MAPKBP1: variants seen among roughly 807,000 people sequenced by gnomAD.
MAPKBP1 encodes mitogen-activated protein kinase-binding protein 1.
MAPKBP1 carries 71 observed loss-of-function variants against 170.5 expected under a neutral mutation model. The ratio of observed to expected loss-of-function variants is 0.42; its 90% CI spans 0.34 to 0.51. The LOEUF is 0.51. MAPKBP1 is among the 20% of genes least tolerant of loss of function. The probability of loss-of-function intolerance (pLI) is 0.06; values close to 1 mark genes in which losing one functional copy is unlikely to be tolerated. For missense variants in MAPKBP1, 1,598 were observed against 1,933.0 expected, an observed-to-expected ratio of 0.83 and a Z score of 3.25; for synonymous variants, 719 against 757.9, an observed-to-expected ratio of 0.95 and a Z score of 0.84.
In MAPKBP1 at chr15:41,815,372, T is replaced by C; in HGVS notation, c.1284T>C (p.His428=). The stretch of plus-strand genomic sequence containing the variant: ...GGAACACAGAGAGCTCCGGGGTGCA[T>C]GGCTCCACCCTCCACCGAAACATCC... ...RLWNTESSGV[H]GSTLHRNILS... is the part of the protein sequence containing the mutation. The change falls in exon 11 of 31, where the codon CAT becomes CAC. Residue 428 remains histidine, a synonymous_variant. Coordinates refer to ENST00000457542, the MANE Select transcript of MAPKBP1 (RefSeq NM_014994.3). The C allele has an allele frequency of 2.5e-6, 4 of 1,614,208 alleles. No individual in the cohort carries two copies. Among genetic ancestry groups the C allele is most frequent in the East Asian group, 2.2e-5 (1 of 44,886 alleles).
chr15:41,799,309 GAC>G (rs1346463933), intron 2 of MAPKBP1, among the ~76,000 whole-genome samples: 2 of 152,148 alleles, frequency 1.3e-5, no homozygotes, highest in South Asian at 4.1e-4. Context: ...GGAGCCCTCT[GAC>G]AGAGGGGAAG....
At chr15:41,813,306 C>A (rs2064835582) in intron 8 of MAPKBP1, 1 of 1,529,246 alleles carries the variant, frequency 6.5e-7, no homozygotes. Context: ...CTGTCTCTTT[C>A]CCCTGCTTTC....
intron 3 of MAPKBP1, among the ~76,000 whole-genome samples, chr15:41,804,551 G>T (rs752097385): frequency 6.6e-6 from 1 of 152,232 alleles, no homozygotes; most frequent in East Asian, 1.9e-4. Context: ...CTTGGTGCAT[G>T]CTGAGACCTG....
chr15:41,812,419 G>T, intron 6 of MAPKBP1, 97 bp from the exon 7 acceptor site: 1 of 1,521,248 alleles, frequency 6.6e-7, no homozygotes, highest in Non-Finnish European at 9.1e-7. Context: ...GAAACACTTT[G>T]TCAAGTACAA....
chr15:41,786,777 A>AAAAAAATATATATATATATAT, intron 2 of MAPKBP1, among the ~76,000 whole-genome samples: 18 of 32,436 alleles, frequency 5.5e-4, no homozygotes, highest in African/African-American at 1.2e-3. Flanking sequence ...AAAAAAAAAA[A>AAAAAAATATATATATATATAT]ATATATATAT....
Position 41,818,148 on chromosome 15 carries a change from C to A in MAPKBP1, c.1981-46C>A. The stretch of plus-strand genomic sequence containing the variant: ...ACAGAGTGGTGCTGGGTGGGAGGGA[C>A]TGGTACTTCCCATGTCCTCCAGCTG... On this transcript the variant is annotated intron_variant, in intron 17 of 30. Transcript: ENST00000457542. This position sits in a 1 kb window ranked among gnomAD's most constrained non-coding sequence, Gnocchi z 5.2. 1.2e-6 allele frequency: 2 copies of A among 1,607,466 alleles called. No homozygotes were observed. The highest frequency in any genetic ancestry group is 1.7e-6 in the Non-Finnish European group (2 of 1,174,054).
At chr15:41,806,881 G>A (rs1312907503) in intron 3 of MAPKBP1, among the ~76,000 whole-genome samples, 5 of 152,196 alleles carry the variant, frequency 3.3e-5, no homozygotes, top group Non-Finnish European at 7.3e-5. Flanking sequence ...GGGCTCCTTG[G>A]TGCTTTTGAG....
chr15:41,819,544 T>TGGTGG lies in MAPKBP1; in HGVS notation c.2426-49_2426-48insTGGGG, dbSNP rs200421549. ...ATGGGGCCAGGGCTCCAGGGTTGGG[T>TGGTGG]GGCGGGGGGGGGGCAGGAGACACTT... On this transcript the variant is annotated intron_variant, in intron 21 of 30. Transcript: ENST00000457542. The TGGTGG allele has an allele frequency of 2.7e-5, 25 of 912,546 alleles. No individual in the cohort carries two copies. In the African/African-American group the frequency reaches 6.5e-4, roughly 24 times the overall value. 56.5% of individuals were successfully genotyped at this position (912,546 alleles called of 1,614,324 possible). A position where few individuals can be genotyped will look rare whatever the true frequency, so the allele number is the denominator to read the frequency against.
intron 4 of MAPKBP1, 100 bp from the exon 5 acceptor site, chr15:41,811,078 G>C (rs1441583777): frequency 6.5e-7 from 1 of 1,530,404 alleles, no homozygotes; most frequent in African/African-American, 1.4e-5. Flanking sequence ...TGCCACATGT[G>C]CCATTGGTGT....
rs751962413 is a variant in MAPKBP1, at chr15:41,823,481, A to G, written c.3633A>G (p.Pro1211=). The change falls in exon 29 of 31, where the codon CCA becomes CCG. Residue 1211 remains proline, a synonymous_variant. Transcript: ENST00000457542. ...AGGCCAGTCTGCAGGCCCCTTCACC[A>G]GGCGCACTGCTGTCTCGGGAGATCG... ...RHEASLQAPS[P]GALLSREIEA... is the part of the protein sequence containing the mutation. 1.2e-5 allele frequency: 20 copies of G among 1,613,636 alleles called. No individual in the cohort carries two copies. The highest frequency in any genetic ancestry group is 1.7e-5 in the Admixed American group (1 of 59,972).
intron 3 of MAPKBP1, among the ~76,000 whole-genome samples, chr15:41,804,565 C>G (rs2064656887): frequency 6.6e-6 from 1 of 152,212 alleles, no homozygotes; most frequent in African/African-American, 2.4e-5. Flanking sequence ...AGACCTGTGT[C>G]CCTGCCCTGG....
intron 2 of MAPKBP1, among the ~76,000 whole-genome samples, chr15:41,786,422 C>G (rs1283914288): frequency 6.6e-6 from 1 of 151,882 alleles, no homozygotes; most frequent in African/African-American, 2.4e-5. Flanking sequence ...AATTTAAAAT[C>G]CGTATGCTCA....
At chr15:41,796,920 G>T (rs1030918743) in intron 2 of MAPKBP1, among the ~76,000 whole-genome samples, 3 of 152,082 alleles carry the variant, frequency 2.0e-5, no homozygotes, top group Non-Finnish European at 4.4e-5. Context: ...TAATGAAATG[G>T]AATATAATAG....
intron 2 of MAPKBP1, among the ~76,000 whole-genome samples, chr15:41,783,212 C>T (rs532190284): frequency 2.0e-5 from 3 of 152,302 alleles, no homozygotes; most frequent in African/African-American, 7.2e-5. Context: ...TTTTGTAGCT[C>T]ATGCTCTTGA....
intron 2 of MAPKBP1, among the ~76,000 whole-genome samples, chr15:41,777,493 G>T (rs1243692809): frequency 6.6e-6 from 1 of 152,224 alleles, no homozygotes; most frequent in African/African-American, 2.4e-5. Flanking sequence ...TAGGAATTCA[G>T]TGCTTCAGAC....
At chr15:41,806,580 C>T (rs1275658396) in intron 3 of MAPKBP1, among the ~76,000 whole-genome samples, 1 of 152,096 alleles carries the variant, frequency 6.6e-6, no homozygotes, top group African/African-American at 2.4e-5. Context: ...GGCAGTGGGC[C>T]CAGCACCTGG....
At chr15:41,800,491 C>G (rs2064572034) in intron 3 of MAPKBP1, among the ~76,000 whole-genome samples, 1 of 152,106 alleles carries the variant, frequency 6.6e-6, no homozygotes, top group African/African-American at 2.4e-5. Context: ...TACAGGCGCA[C>G]TGCCCCATGC....
At position 41,823,741 on chromosome 15, in the gene MAPKBP1, T is replaced by C. The variant is rs1567157611; in HGVS notation, c.3893T>C (p.Leu1298Pro). The change falls in exon 29 of 31, where the codon CTG (leucine) becomes CCG (proline). Residue 1298 changes from leucine to proline, a missense_variant. By Grantham distance (98) the Leu-to-Pro change is moderately conservative (BLOSUM62 -3). Around this residue, in one of 6 missense-constraint regions of MAPKBP1, gnomAD observed 942 missense variants for 953.2 expected, o/e 0.99. Transcript: ENST00000457542. ...CTGGTCCTGGACATCCCCAAACCAC[T>C]GCCTGACCGTCCTACCCTGGCTGCA... ...AHLVLDIPKP[L>P]PDRPTLAAFS... The C allele has an allele frequency of 6.2e-7, 1 of 1,614,114 alleles. No individual in the cohort carries two copies. Among genetic ancestry groups the C allele is most frequent in the East Asian group, 2.2e-5 (1 of 44,882 alleles).
intron 2 of MAPKBP1, among the ~76,000 whole-genome samples, chr15:41,780,741 C>CT (rs1567132339): frequency 6.7e-6 from 1 of 148,896 alleles, no homozygotes; most frequent in Non-Finnish European, 1.5e-5. Flanking sequence ...GTGGATTTTA[C>CT]TTTAACTTCT....
Sources: allele counts gnomAD v4.1 joint callset (sites outside exome capture counted in the v4.1 genomes callset), GRCh38; gene constraint gnomAD v4.1.1; regional missense constraint gnomAD v4.1.1; non-coding constraint Gnocchi (gnomAD v3.1); transcripts MANE v1.5; gene names NCBI Gene and HGNC (gene_info 2026-07-23, HGNC 2026-07-21).